The following B4GALT5 variants were observed in gnomAD, a reference collection of about 807,000 sequenced individuals.
The protein encoded by B4GALT5 is UDP-Gal:beta-GlcNAc beta-1,4-galactosyltransferase 5.
In B4GALT5, 11 loss-of-function variants were observed where a neutral mutation model predicts 45.0. The ratio of observed to expected loss-of-function variants is 0.24; its 90% CI spans 0.15 to 0.40. B4GALT5 has a LOEUF of 0.40. Among genes scored for constraint, B4GALT5 ranks in the 10% least tolerant of loss-of-function variants. The probability of loss-of-function intolerance (pLI) is 1.00; values close to 1 mark genes in which losing one functional copy is unlikely to be tolerated. For synonymous variants in B4GALT5, 185 were observed against 182.9 expected (o/e 1.01, Z -0.09); for missense variants, 337 against 500.2 (o/e 0.67, Z 3.11).
intron 2 of B4GALT5, 129 bp from the exon 3 acceptor site, chr20:49,647,207 C>A (rs1318717151): frequency 5.2e-6 from 3 of 579,730 alleles, no homozygotes; most frequent in Admixed American, 3.3e-5. Context: ...CTCTGGACTA[C>A]CGCTTTGATG....
rs530905714 is a variant in B4GALT5, at chr20:49,674,569, C to T, written c.116-17867G>A. ...TGCAAATGTTACTGAATAAGCCAGC[C>T]GCAGGACTGCTCATGGAAGGGGAAG... is the stretch of plus-strand genomic sequence containing the variant. On this transcript the variant is annotated intron_variant, in intron 1 of 8. Coordinates refer to ENST00000371711, the MANE Select transcript of B4GALT5 (RefSeq NM_004776.4). Among the ~76,000 whole-genome samples, 3 of 151,362 alleles carry T rather than the reference C, an allele frequency of 2.0e-5. No homozygotes were observed. In the East Asian group the frequency reaches 5.8e-4, roughly 29 times the overall value.
chr20:49,699,490 C>T (rs4810976), intron 1 of B4GALT5, among the ~76,000 whole-genome samples: 83,734 of 151,616 alleles, frequency 0.55, 23,222 homozygotes, highest in South Asian at 0.68. Context: ...AATCATACAG[C>T]AGTCCTCCCT....
chr20:49,662,768 C>G (rs2146339876), intron 1 of B4GALT5, among the ~76,000 whole-genome samples: 1 of 152,288 alleles, frequency 6.6e-6, no homozygotes, highest in Middle Eastern at 3.4e-3. Context: ...CTTTTAAAAA[C>G]ATGTTCCATA....
At chr20:49,667,042 G>T (rs1471361288) in intron 1 of B4GALT5, among the ~76,000 whole-genome samples, 1 of 152,016 alleles carries the variant, frequency 6.6e-6, no homozygotes, top group Non-Finnish European at 1.5e-5. Flanking sequence ...ATTTAGAGAT[G>T]AAAAAAACTC....
chr20:49,643,922 CTTTTTTTTTTTTTTT>C lies in B4GALT5; in HGVS notation c.365-287_365-273del, dbSNP rs138727530. Among the ~76,000 whole-genome samples, 21 of 52,184 alleles carry C rather than the reference CTTTTTTTTTTTTTTT, an allele frequency of 4.0e-4. No individual in the cohort carries two copies. In the Admixed American group the frequency reaches 5.6e-3, roughly 14 times the overall value. The allele number at this position is 52,184 out of a possible 152,430, so 34.2% of individuals were successfully genotyped here. On this transcript the variant is annotated intron_variant, in intron 3 of 8. Transcript: ENST00000371711. ...AACTTTAAGTAAAACAGTAGCTGAG[CTTTTTTTTTTTTTTT>C]TTTTTTTTTTTGAGACAGTCTCGCT...
At chr20:49,691,770 T>C (rs899078192) in intron 1 of B4GALT5, among the ~76,000 whole-genome samples, 1 of 152,242 alleles carries the variant, frequency 6.6e-6, no homozygotes, top group Admixed American at 6.5e-5. Flanking sequence ...CTTTGGGTTA[T>C]GAGGTTTTAG....
rs982183847 is a variant in B4GALT5 at position 49,640,408 on chromosome 20, G to A, written c.794+70C>T. On this transcript the variant is annotated intron_variant, in intron 6 of 8. Transcript: ENST00000371711. ...TGGGCATCTAGGTTGCAGCTAATTA[G>A]ATTTCCTTTTCACATCGCTCACCAT... The A allele has an allele frequency of 1.0e-5, 14 of 1,395,566 alleles. No homozygotes were observed. In the Middle Eastern group the frequency reaches 6.2e-4, roughly 61 times the overall value. 86.4% of individuals were successfully genotyped at this position (1,395,566 alleles called of 1,614,324 possible). A position where few individuals can be genotyped will look rare whatever the true frequency, so the allele number is the denominator to read the frequency against.
At chr20:49,653,459 T>C (rs1370979001) in intron 2 of B4GALT5, among the ~76,000 whole-genome samples, 1 of 152,248 alleles carries the variant, frequency 6.6e-6, no homozygotes, top group Non-Finnish European at 1.5e-5. Context: ...AAGTGCTTCC[T>C]ATGTGCGAGG....
chr20:49,667,599 G>A (rs2085696905), intron 1 of B4GALT5, among the ~76,000 whole-genome samples: 1 of 152,008 alleles, frequency 6.6e-6, no homozygotes, highest in African/African-American at 2.4e-5. Flanking sequence ...AGGCTGGAGT[G>A]CAGTGGCACG....
intron 1 of B4GALT5, among the ~76,000 whole-genome samples, chr20:49,662,011 T>C (rs1484501973): frequency 1.3e-5 from 2 of 152,202 alleles, no homozygotes; most frequent in East Asian, 3.8e-4. Context: ...ATGGCTTAAC[T>C]GGACAGCTTC....
chr20:49,639,829 C>G, intron 6 of B4GALT5, 29 bp from the exon 7 acceptor site: 1 of 1,609,734 alleles, frequency 6.2e-7, no homozygotes, highest in African/African-American at 1.3e-5. Context: ...CATCAATCAT[C>G]TGTGTGTTAC....
chr20:49,639,829 C>CTGTG, intron 6 of B4GALT5, 29 bp from the exon 7 acceptor site: 1 of 1,609,734 alleles, frequency 6.2e-7, no homozygotes, highest in Non-Finnish European at 8.5e-7. Flanking sequence ...CATCAATCAT[C>CTGTG]TGTGTGTTAC....
chr20:49,646,872 T>C, intron 3 of B4GALT5, 93 bp downstream of exon 3: 3 of 752,322 alleles, frequency 4.0e-6, no homozygotes, highest in Non-Finnish European at 6.4e-6. Context: ...GGGAGGTATT[T>C]ATATTCTCTC....
At chr20:49,713,223 A>G (rs1191252082) in intron 1 of B4GALT5, among the ~76,000 whole-genome samples, 2 of 150,594 alleles carry the variant, frequency 1.3e-5, no homozygotes, top group East Asian at 2.0e-4. Flanking sequence ...GGGAAGGGGA[A>G]GCGGGAGTTC....
chr20:49,667,583 T>A (rs1391394569), intron 1 of B4GALT5, among the ~76,000 whole-genome samples: 1 of 152,044 alleles, frequency 6.6e-6, no homozygotes, highest in African/African-American at 2.4e-5. Flanking sequence ...TCTTGCTCTG[T>A]CACTCAGGCT....
chr20:49,645,079 A>G (rs2085593509), intron 3 of B4GALT5, among the ~76,000 whole-genome samples: 1 of 152,228 alleles, frequency 6.6e-6, no homozygotes, highest in South Asian at 2.1e-4. Flanking sequence ...GCACTTTGTT[A>G]AGAAAATAAC....
At chr20:49,643,390 A>C in intron 4 of B4GALT5, 136 bp downstream of exon 4, 1 of 1,205,068 alleles carries the variant, frequency 8.3e-7, no homozygotes, top group Non-Finnish European at 1.2e-6. Context: ...CATTCCTCTA[A>C]AATGTTTCTA....
intron 8 of B4GALT5, 50 bp from the exon 9 acceptor site, chr20:49,636,509 C>A (rs199627637): frequency 6.3e-7 from 1 of 1,595,822 alleles, no homozygotes; most frequent in Non-Finnish European, 8.6e-7. Flanking sequence ...AGGATCCATG[C>A]CTCTGCAGCC....
chr20:49,702,371 G>A (rs977056477), intron 1 of B4GALT5, among the ~76,000 whole-genome samples: 1 of 152,060 alleles, frequency 6.6e-6, no homozygotes, highest in African/African-American at 2.4e-5. Context: ...GGGAGCAAAA[G>A]GTAAGTGATA....
Sources: allele counts gnomAD v4.1 joint callset (sites outside exome capture counted in the v4.1 genomes callset), GRCh38; gene constraint gnomAD v4.1.1; transcripts MANE v1.5; gene names NCBI Gene and HGNC (gene_info 2026-07-23, HGNC 2026-07-21).